PCDH11X: variants seen among roughly 807,000 people sequenced by gnomAD.
PCDH11X encodes the protein protocadherin-11 X-linked.
Under a neutral mutation model 53.3 loss-of-function variants are expected in PCDH11X, and 18 were observed. The ratio of observed to expected loss-of-function variants is 0.34; its 90% CI spans 0.23 to 0.50. PCDH11X has a LOEUF of 0.50. PCDH11X is among the 20% of genes least tolerant of loss of function. The probability of loss-of-function intolerance (pLI) is 0.98; values close to 1 mark genes in which losing one functional copy is unlikely to be tolerated. For missense variants in PCDH11X, 570 were observed against 1,032.4 expected, an observed-to-expected ratio of 0.55 and a Z score of 6.14; for synonymous variants, 279 against 393.3, an observed-to-expected ratio of 0.71 and a Z score of 3.44.
chrX:92,399,085 C>G (rs753708574), intron 9 of PCDH11X, among the ~76,000 whole-genome samples: 30 of 106,147 alleles, frequency 2.8e-4, no homozygotes, highest in African/African-American at 1.0e-3. Context: ...CCCAGCTGCT[C>G]GGGAGGCTGA....
At chrX:92,508,148 A>G (rs916640526) in intron 10 of PCDH11X, among the ~76,000 whole-genome samples, 3 of 111,082 alleles carry the variant, frequency 2.7e-5, no homozygotes, top group African/African-American at 9.8e-5. Flanking sequence ...ATATGCATGA[A>G]TAGAAAAAAG....
chrX:92,476,287 C>G (rs1301665379), intron 10 of PCDH11X, among the ~76,000 whole-genome samples: 1 of 111,853 alleles, frequency 8.9e-6, no homozygotes, highest in Non-Finnish European at 1.9e-5. Context: ...TACCTAGTCT[C>G]GTGTGTGTCT....
chrX:92,426,649 T>C (rs1253000160), intron 9 of PCDH11X, among the ~76,000 whole-genome samples: 1 of 109,430 alleles, frequency 9.1e-6, no homozygotes, highest in Non-Finnish European at 1.9e-5. Flanking sequence ...TTTAGGAAAT[T>C]ATTAAAATAA....
chrX:92,164,580 A>C (rs1180545793), intron 6 of PCDH11X, among the ~76,000 whole-genome samples: 1 of 112,229 alleles, frequency 8.9e-6, no homozygotes, highest in Non-Finnish European at 1.9e-5. Flanking sequence ...TTAAAAACAA[A>C]GGCTATTGCT....
At chrX:92,213,521 C>T (rs904082350) in intron 7 of PCDH11X, among the ~76,000 whole-genome samples, 9 of 111,658 alleles carry the variant, frequency 8.1e-5, no homozygotes, top group Middle Eastern at 4.7e-3. Context: ...TTTGTCCAAT[C>T]GTACACTGTC....
At chrX:92,465,011 T>TGCA (rs1329128965) in intron 9 of PCDH11X, among the ~76,000 whole-genome samples, 2 of 110,889 alleles carry the variant, frequency 1.8e-5, no homozygotes, top group Non-Finnish European at 1.9e-5. Flanking sequence ...CATATGCTAG[T>TGCA]CCATGCTATA....
intron 5 of PCDH11X, among the ~76,000 whole-genome samples, chrX:91,857,745 G>A (rs1393248851): frequency 7.1e-5 from 8 of 112,200 alleles, no homozygotes; most frequent in African/African-American, 1.9e-4. Context: ...GCAAGAGGTA[G>A]GTTCCCATGG....
At chrX:92,359,804 A>T in intron 8 of PCDH11X, among the ~76,000 whole-genome samples, 1 of 110,952 alleles carries the variant, frequency 9.0e-6, no homozygotes, top group East Asian at 2.9e-4. Flanking sequence ...AGTTTATTCC[A>T]CTGTGGGTAG....
intron 6 of PCDH11X, among the ~76,000 whole-genome samples, chrX:92,116,280 A>G (rs1314112250): frequency 2.7e-5 from 3 of 112,024 alleles, no homozygotes; most frequent in Non-Finnish European, 5.6e-5. Context: ...ATAGCCTATA[A>G]TATTTATTTA....
rs934119058 is a variant in PCDH11X, at chrX:91,952,371, A to T, written c.3033+73098A>T. ...TTTTATGATTTTTCTTAACTATTTA[A>T]ATTAGACAACAAGCAGTGTTTTTCT... is the stretch of plus-strand genomic sequence containing the variant. On this transcript the variant is annotated intron_variant, in intron 6 of 10. Transcript: ENST00000682573. 1.2e-4 allele frequency among the ~76,000 whole-genome samples: 13 copies of T among 111,151 alleles called. 1 individual carries two copies. In the Admixed American group the frequency reaches 1.3e-3, roughly 11 times the overall value.
chrX:92,205,053 G>C (rs946213972), intron 7 of PCDH11X, among the ~76,000 whole-genome samples: 1 of 111,564 alleles, frequency 9.0e-6, no homozygotes, highest in African/African-American at 3.3e-5. Context: ...GTTGGGTAGG[G>C]ACACAGAGTC....
chrX:92,087,768 T>A (rs1307723879), intron 6 of PCDH11X, among the ~76,000 whole-genome samples: 2 of 110,338 alleles, frequency 1.8e-5, no homozygotes, highest in African/African-American at 6.6e-5. Flanking sequence ...CCCAGCAAGC[T>A]AAAAATGGAA....
At chrX:92,601,258 C>T (rs777915680) in intron 10 of PCDH11X, among the ~76,000 whole-genome samples, 91 of 104,094 alleles carry the variant, frequency 8.7e-4, no homozygotes, top group African/African-American at 3.2e-3. Context: ...GCCTGTGTCC[C>T]CACTCAAATT....
intron 10 of PCDH11X, among the ~76,000 whole-genome samples, chrX:92,520,165 T>C: frequency 9.1e-6 from 1 of 110,150 alleles, no homozygotes; most frequent in Non-Finnish European, 1.9e-5. Flanking sequence ...TCGACGATAT[T>C]GTGGGCTCAG....
intron 10 of PCDH11X, among the ~76,000 whole-genome samples, chrX:92,485,324 G>T (rs182293904): frequency 5.4e-5 from 6 of 110,653 alleles, no homozygotes; most frequent in African/African-American, 1.6e-4. Context: ...TATCAGGAAG[G>T]CTTCATCTAT....
At chrX:92,509,994 A>T (rs2074135435) in intron 10 of PCDH11X, among the ~76,000 whole-genome samples, 1 of 109,652 alleles carries the variant, frequency 9.1e-6, no homozygotes, top group African/African-American at 3.3e-5. Flanking sequence ...CTAGCTTGAA[A>T]ATTATAGAAT....
intron 6 of PCDH11X, among the ~76,000 whole-genome samples, chrX:91,917,069 T>C (rs745331755): frequency 3.6e-5 from 4 of 111,603 alleles, no homozygotes; most frequent in Non-Finnish European, 5.7e-5. Context: ...AATCACACGA[T>C]TTTCTCAATA....
chrX:92,605,602 T>G (rs1311061722), intron 10 of PCDH11X, among the ~76,000 whole-genome samples: 3 of 112,226 alleles, frequency 2.7e-5, no homozygotes, highest in Non-Finnish European at 5.6e-5. Context: ...ATTAAAAACT[T>G]GTTAAAACTA....
At chrX:92,022,234 TAA>T (rs1254802340) in intron 6 of PCDH11X, among the ~76,000 whole-genome samples, 1 of 108,239 alleles carries the variant, frequency 9.2e-6, no homozygotes, top group African/African-American at 3.4e-5. Context: ...GCAAATTGGA[TAA>T]AGAGTCAAGA....
Sources: gnomAD v4.1 joint callset for allele counts (sites outside exome capture counted in the v4.1 genomes callset) on GRCh38, gnomAD v4.1.1 for gene constraint, MANE v1.5 for transcripts, NCBI Gene and HGNC (gene_info 2026-07-23, HGNC 2026-07-21) for gene names.